Variants in CDKAL1 observed in about 807,000 individuals in gnomAD.
CDKAL1 encodes the protein threonylcarbamoyladenosine tRNA methylthiotransferase.
A neutral mutation model predicts 68.2 loss-of-function variants in CDKAL1; 32 were observed. The observed-to-expected ratio is 0.47, with a 90% CI of 0.35 to 0.63. CDKAL1 has a LOEUF of 0.63. Among genes scored for constraint, CDKAL1 ranks in the 30% least tolerant of loss-of-function variants. The probability of loss-of-function intolerance (pLI) is 0.00; values close to 1 mark genes in which losing one functional copy is unlikely to be tolerated. For synonymous variants in CDKAL1, 234 were observed against 244.3 expected (o/e 0.96, Z 0.39); for missense variants, 606 against 696.7 (o/e 0.87, Z 1.47).
chr6:21,093,694 CTTTTTTTTTTTTTTTTTTTTTTTTTTTTT>C (rs547923386), intron 12 of CDKAL1, among the ~76,000 whole-genome samples: 2 of 88,086 alleles, frequency 2.3e-5, no homozygotes, highest in Non-Finnish European at 4.4e-5. Context: ...GCTGCTGCTG[CTTTTTTTTTTTTTTTTTTTTTTTTTTTTT>C]TTTTTTTTTT....
intron 9 of CDKAL1, among the ~76,000 whole-genome samples, chr6:20,909,470 G>A (rs900271998): frequency 2.0e-5 from 3 of 152,122 alleles, no homozygotes; most frequent in East Asian, 1.9e-4. Context: ...TTAAAAGGCC[G>A]CTAGTTACAT....
chr6:21,180,336 TTAAG>T (rs1431128195), intron 13 of CDKAL1, among the ~76,000 whole-genome samples: 1 of 141,436 alleles, frequency 7.1e-6, no homozygotes, highest in East Asian at 2.0e-4. Flanking sequence ...TCTGAGACCT[TTAAG>T]TTTCTTTTTT....
At chr6:20,696,441 GA>G (rs969198601) in intron 5 of CDKAL1, among the ~76,000 whole-genome samples, 1 of 152,070 alleles carries the variant, frequency 6.6e-6, no homozygotes, top group Non-Finnish European at 1.5e-5. Context: ...CCATTCTTTA[GA>G]AAAAAATTAG....
chr6:21,174,795 C>T (rs1248546380), intron 13 of CDKAL1, among the ~76,000 whole-genome samples: 2 of 151,938 alleles, frequency 1.3e-5, no homozygotes, highest in Non-Finnish European at 2.9e-5. Flanking sequence ...CTAGTAATTC[C>T]ACTTCTAGAA....
Position 21,228,598 on chromosome 6 carries a change from C to G in CDKAL1, c.1549-2250C>G, listed in dbSNP as rs186036096. Among the ~76,000 whole-genome samples the G allele has an allele frequency of 7.7e-4, 117 of 152,210 alleles. 3 individuals carry two copies. The highest frequency in any genetic ancestry group is 2.7e-3 in the African/African-American group (112 of 41,542). On this transcript the variant is annotated intron_variant, in intron 15 of 15. Transcript: ENST00000274695. The stretch of plus-strand genomic sequence containing the variant: ...GTTGCTCATCTCATTGGAATACACA[C>G]TCTCATATTATTCACTCGATCAGTC...
intron 13 of CDKAL1, among the ~76,000 whole-genome samples, chr6:21,191,275 A>G (rs921706003): frequency 3.3e-5 from 5 of 152,150 alleles, no homozygotes; most frequent in African/African-American, 1.2e-4. Context: ...TCTGTTGGAA[A>G]CCACTGCTTT....
At chr6:20,755,358 A>G (rs539233979) in intron 6 of CDKAL1, among the ~76,000 whole-genome samples, 5 of 152,122 alleles carry the variant, frequency 3.3e-5, no homozygotes, top group Non-Finnish European at 5.9e-5. Flanking sequence ...ACTGGACCTT[A>G]CTATTCTTCA....
chr6:21,204,804 C>T (rs552418920), intron 15 of CDKAL1, among the ~76,000 whole-genome samples: 91 of 152,274 alleles, frequency 6.0e-4, no homozygotes, highest in Admixed American at 2.5e-3. Context: ...GTAAAATATA[C>T]GTAACATAAA....
intron 4 of CDKAL1, among the ~76,000 whole-genome samples, chr6:20,625,429 G>A (rs925700860): frequency 6.6e-6 from 1 of 152,096 alleles, no homozygotes; most frequent in Admixed American, 6.6e-5. Context: ...TTAGTCTTGT[G>A]TGGCTCTCAT....
intron 13 of CDKAL1, among the ~76,000 whole-genome samples, chr6:21,130,936 C>A (rs1775287211): frequency 6.6e-6 from 1 of 152,212 alleles, no homozygotes; most frequent in African/African-American, 2.4e-5. Flanking sequence ...CTTTCATCAG[C>A]AATACTGTAA....
At chr6:21,083,840 A>G (rs1277879485) in intron 12 of CDKAL1, among the ~76,000 whole-genome samples, 2 of 152,114 alleles carry the variant, frequency 1.3e-5, no homozygotes, top group South Asian at 4.1e-4. Context: ...ATGTCCCTCA[A>G]TTTGAGTTTG....
chr6:20,631,239 A>G (rs563101916), intron 4 of CDKAL1, among the ~76,000 whole-genome samples: 9 of 152,234 alleles, frequency 5.9e-5, no homozygotes, highest in Admixed American at 2.0e-4. Flanking sequence ...TCCCTACCCC[A>G]GTGCCTGTTT....
At chr6:20,886,708 G>A (rs1173363976) in intron 9 of CDKAL1, among the ~76,000 whole-genome samples, 5 of 152,180 alleles carry the variant, frequency 3.3e-5, no homozygotes. Flanking sequence ...GAGACAAGAA[G>A]TAGATTAGAG....
chr6:20,919,343 A>C (rs1762849417), intron 9 of CDKAL1, among the ~76,000 whole-genome samples: 2 of 152,214 alleles, frequency 1.3e-5, no homozygotes, highest in African/African-American at 4.8e-5. Context: ...AATTATTTGC[A>C]CATCTCTTTT....
At position 21,043,353 on chromosome 6, in the gene CDKAL1, G is replaced by T. The variant is rs527674276; in HGVS notation, c.1056-21695G>T. On this transcript the variant is annotated intron_variant, in intron 11 of 15. Transcript: ENST00000274695. ...TGTGTATGTGTGTGTGTGTTTGTGT[G>T]TGTGTGTGTGTGTATAAATGATTCA... 3.3e-5 allele frequency among the ~76,000 whole-genome samples: 5 copies of T among 152,066 alleles called. No homozygotes were observed. The East Asian group carries it at 9.7e-4, about 29-fold the overall frequency.
At chr6:20,577,139 G>A (rs992987363) in intron 4 of CDKAL1, among the ~76,000 whole-genome samples, 2 of 152,132 alleles carry the variant, frequency 1.3e-5, no homozygotes, top group Admixed American at 6.5e-5. Context: ...GCAAGCGATC[G>A]GTTGTGAGAG....
At chr6:20,809,500 C>G (rs908535401) in intron 8 of CDKAL1, among the ~76,000 whole-genome samples, 1 of 152,128 alleles carries the variant, frequency 6.6e-6, no homozygotes, top group Non-Finnish European at 1.5e-5. Context: ...TGATATTTTA[C>G]TACACTTGGA....
rs1159671671 is a variant in CDKAL1, at chr6:21,231,394, G to A, written c.*355G>A. ...GGCTCTGGCCATCTTTTCCTCATGT[G>A]GAAGAATTTTCTATCTTTAATAAAC... On this transcript the variant is annotated 3_prime_UTR_variant, in exon 16 of 16. Transcript: ENST00000274695. The A allele has an allele frequency of 5.8e-6, 1 of 173,532 alleles. No homozygotes were observed. Among genetic ancestry groups the A allele is most frequent in the Non-Finnish European group, 1.2e-5 (1 of 82,840 alleles). The allele number at this position is 173,532 out of a possible 1,614,324, so 10.7% of individuals were successfully genotyped here.
intron 15 of CDKAL1, among the ~76,000 whole-genome samples, chr6:21,208,978 G>T (rs1241398203): frequency 6.6e-6 from 1 of 152,146 alleles, no homozygotes; most frequent in Non-Finnish European, 1.5e-5. Context: ...ATCACTAATT[G>T]TGCAATCACT....
Sources: gnomAD v4.1 joint callset for allele counts (sites outside exome capture counted in the v4.1 genomes callset) on GRCh38, gnomAD v4.1.1 for gene constraint, MANE v1.5 for transcripts, NCBI Gene and HGNC (gene_info 2026-07-23, HGNC 2026-07-21) for gene names.